Variants in PARD3 observed in about 807,000 individuals in gnomAD.
The protein encoded by PARD3 is par-3 family cell polarity regulator, also known as partitioning defective 3 homolog.
In PARD3, 75 loss-of-function variants were observed where a neutral mutation model predicts 155.4. The observed-to-expected ratio is 0.48, with a 90% confidence interval of 0.40 to 0.58. The LOEUF (loss-of-function observed/expected upper bound fraction) is 0.58. PARD3 is among the 20% of genes least tolerant of loss of function. The pLI, the probability that PARD3 is intolerant of heterozygous loss-of-function variation, is 0.00. For synonymous variants in PARD3, 576 were observed against 610.5 expected (o/e 0.94, Z 0.83); for missense variants, 1,642 against 1,721.7 (o/e 0.95, Z 0.82).
intron 4 of PARD3, among the ~76,000 whole-genome samples, chr10:34,452,876 C>T (rs1204407613): frequency 1.3e-5 from 2 of 152,156 alleles, no homozygotes; most frequent in South Asian, 2.1e-4. Flanking sequence ...CTCTTTCCTC[C>T]CTCTTTGATC....
intron 1 of PARD3, among the ~76,000 whole-genome samples, chr10:34,782,112 T>C (rs997896380): frequency 2.0e-5 from 3 of 152,204 alleles, no homozygotes; most frequent in Non-Finnish European, 4.4e-5. Flanking sequence ...CTGTAATTTT[T>C]TTCTTCCAAT....
At chr10:34,228,407 C>G (rs1564500418) in intron 22 of PARD3, among the ~76,000 whole-genome samples, 1 of 151,878 alleles carries the variant, frequency 6.6e-6, no homozygotes, top group African/African-American at 2.4e-5. Context: ...AACATAAAAG[C>G]TGGAAGAAAA....
intron 1 of PARD3, among the ~76,000 whole-genome samples, chr10:34,718,837 G>A (rs890555432): frequency 6.6e-6 from 1 of 151,962 alleles, no homozygotes; most frequent in African/African-American, 2.4e-5. Flanking sequence ...GGTGGCAGGT[G>A]CCTTAATCCC....
chr10:34,537,542 G>A (rs184048867), intron 2 of PARD3, among the ~76,000 whole-genome samples: 1 of 152,212 alleles, frequency 6.6e-6, no homozygotes, highest in East Asian at 1.9e-4. Flanking sequence ...TGACTACACT[G>A]GGGTCCACAC....
chr10:34,542,234 T>TGTGTGCAC (rs1554889666), intron 2 of PARD3, among the ~76,000 whole-genome samples: 64,786 of 145,950 alleles, frequency 0.44, 15,014 homozygotes, highest in East Asian at 0.52. Context: ...TGTGTGTGTG[T>TGTGTGCAC]GTGTGCACAC....
At position 34,310,781 on chromosome 10, in the gene PARD3, T is replaced by C. The variant is rs557382648; in HGVS notation, c.3065+6326A>G. ...GAACCTCTGTTTCAATTCAAATTAA[T>C]AGAAGCATACATTAAGTCCTTAGGA... On this transcript the variant is annotated intron_variant, in intron 20 of 24. Coordinates refer to ENST00000374788, the MANE Select transcript of PARD3 (RefSeq NM_001184785.2). Among the ~76,000 whole-genome samples the C allele has an allele frequency of 9.2e-5, 14 of 152,334 alleles. No individual in the cohort carries two copies. In the South Asian group the frequency reaches 2.1e-3, roughly 23 times the overall value.
intron 2 of PARD3, among the ~76,000 whole-genome samples, chr10:34,530,298 G>A (rs756076053): frequency 6.6e-6 from 1 of 151,876 alleles, no homozygotes; most frequent in Non-Finnish European, 1.5e-5. Flanking sequence ...TCCACTGTTC[G>A]ATTTAATTAC....
At chr10:34,719,934 G>A (rs10827405) in intron 1 of PARD3, among the ~76,000 whole-genome samples, 42,228 of 152,034 alleles carry the variant, frequency 0.28, 7,202 homozygotes, top group Non-Finnish European at 0.38. Context: ...GTTTTGATGC[G>A]AAGCCTCCAG....
intron 1 of PARD3, among the ~76,000 whole-genome samples, chr10:34,799,476 T>C (rs1842642355): frequency 6.6e-6 from 1 of 152,156 alleles, no homozygotes; most frequent in Admixed American, 6.5e-5. Flanking sequence ...CAGCTAGCCA[T>C]GCACCTTTTT....
At chr10:34,673,460 T>C (rs571383742) in intron 2 of PARD3, among the ~76,000 whole-genome samples, 2 of 152,354 alleles carry the variant, frequency 1.3e-5, no homozygotes, top group East Asian at 3.9e-4. Context: ...CTCTCATTAC[T>C]TGTGGTTGGT....
intron 22 of PARD3, among the ~76,000 whole-genome samples, chr10:34,216,249 T>C (rs888086869): frequency 6.6e-6 from 1 of 152,220 alleles, no homozygotes; most frequent in Non-Finnish European, 1.5e-5. Flanking sequence ...ATATACCACT[T>C]TAACAATAAG....
At chr10:34,203,875 T>C (rs1470850868) in intron 22 of PARD3, among the ~76,000 whole-genome samples, 1 of 152,230 alleles carries the variant, frequency 6.6e-6, no homozygotes, top group African/African-American at 2.4e-5. Context: ...TAAGGGATAA[T>C]GTGAAGACAT....
intron 2 of PARD3, among the ~76,000 whole-genome samples, chr10:34,606,965 TAAAAAAAAA>T (rs531578595): frequency 1.9e-4 from 22 of 114,824 alleles, no homozygotes; most frequent in Middle Eastern, 4.6e-3. Context: ...GACTCTGTCT[TAAAAAAAAA>T]AAAAAAAAAA....
chr10:34,731,974 G>A (rs1374068359), intron 1 of PARD3, among the ~76,000 whole-genome samples: 1 of 152,130 alleles, frequency 6.6e-6, no homozygotes, highest in African/African-American at 2.4e-5. Flanking sequence ...AATTTTGCAA[G>A]ACTAACTCTC....
intron 1 of PARD3, among the ~76,000 whole-genome samples, chr10:34,788,764 G>A (rs1400696651): frequency 6.6e-6 from 1 of 152,132 alleles, no homozygotes; most frequent in African/African-American, 2.4e-5. Flanking sequence ...TGATCAAAAT[G>A]AGACTGGAGA....
rs1357611056 is a variant in PARD3 at position 34,250,342 on chromosome 10, T to C, written c.3419+19315A>G. Among the ~76,000 whole-genome samples, 3 of 152,320 alleles carry C rather than the reference T, an allele frequency of 2.0e-5. No homozygotes were observed. In the East Asian group the frequency reaches 5.8e-4, roughly 29 times the overall value. The stretch of plus-strand genomic sequence containing the variant: ...AGTTAAATTATGTCTGCAGTCATAA[T>C]GAATCAAAGCCCAGAAGGAGTCTGC... On this transcript the variant is annotated intron_variant, in intron 22 of 24. Coordinates refer to ENST00000374788, the MANE Select transcript of PARD3 (RefSeq NM_001184785.2).
intron 23 of PARD3, among the ~76,000 whole-genome samples, chr10:34,121,212 T>G (rs1946982910): frequency 6.6e-6 from 1 of 152,264 alleles, no homozygotes; most frequent in South Asian, 2.1e-4. Context: ...GATGCTTCAA[T>G]TTCTCACTGA....
At chr10:34,454,796 C>G (rs55991753) in intron 4 of PARD3, among the ~76,000 whole-genome samples, 23 of 152,296 alleles carry the variant, frequency 1.5e-4, no homozygotes, top group African/African-American at 4.8e-4. Flanking sequence ...TCTAAATGTA[C>G]TGCCACAGCA....
chr10:34,145,222 T>TATATATATATATATATA (rs1491495958), intron 22 of PARD3, among the ~76,000 whole-genome samples: 1 of 40,160 alleles, frequency 2.5e-5, no homozygotes, highest in African/African-American at 1.4e-4. Flanking sequence ...TATATATATA[T>TATATATATATATATATA]TTTTTTTTTT....
Sources: allele counts gnomAD v4.1 joint callset (sites outside exome capture counted in the v4.1 genomes callset), GRCh38; gene constraint gnomAD v4.1.1; transcripts MANE v1.5; gene names NCBI Gene and HGNC (gene_info 2026-07-23, HGNC 2026-07-21).